Variants in ADGRG6 observed in about 807,000 individuals in gnomAD.
The protein encoded by ADGRG6 is adhesion G protein-coupled receptor G6.
In ADGRG6, 84 loss-of-function variants were observed where a neutral mutation model predicts 142.4. The observed-to-expected ratio is 0.59, with a 90% CI of 0.49 to 0.71. The LOEUF is 0.71. Among genes scored for constraint, ADGRG6 ranks in the 30% least tolerant of loss-of-function variants. The pLI is 0.00. For missense variants in ADGRG6, 1,367 were observed against 1,466.6 expected, an observed-to-expected ratio of 0.93 and a Z score of 1.11; for synonymous variants, 521 against 520.5, an observed-to-expected ratio of 1.00 and a Z score of -0.01.
chr6:142,412,328 G>A (rs1290000531), intron 18 of ADGRG6, among the ~76,000 whole-genome samples: 1 of 152,146 alleles, frequency 6.6e-6, no homozygotes, highest in Non-Finnish European at 1.5e-5. Context: ...AGTGATGTGA[G>A]CTGAGGCAAT....
chr6:142,313,250 A>C (rs996998997), intron 2 of ADGRG6, among the ~76,000 whole-genome samples: 9 of 152,112 alleles, frequency 5.9e-5, no homozygotes, highest in African/African-American at 1.7e-4. Context: ...TTAGTTACTT[A>C]ACTGTTACTC....
intron 2 of ADGRG6, among the ~76,000 whole-genome samples, chr6:142,351,794 C>G (rs568196397): frequency 6.6e-6 from 1 of 152,200 alleles, no homozygotes; most frequent in African/African-American, 2.4e-5. Context: ...CACTATGCAT[C>G]CAACAAAGGT....
chr6:142,362,373 C>G (rs1045202783), intron 2 of ADGRG6, among the ~76,000 whole-genome samples: 1 of 152,186 alleles, frequency 6.6e-6, no homozygotes, highest in Non-Finnish European at 1.5e-5. Context: ...CCGGTTTACT[C>G]AGGAAACCAT....
chr6:142,325,947 T>A (rs1007281535), intron 2 of ADGRG6, among the ~76,000 whole-genome samples: 1 of 151,968 alleles, frequency 6.6e-6, no homozygotes, highest in Non-Finnish European at 1.5e-5. Flanking sequence ...TTTAAAACTA[T>A]GTAAGGTAGA....
chr6:142,314,971 AGT>A (rs58848776), intron 2 of ADGRG6, among the ~76,000 whole-genome samples: 298 of 144,982 alleles, frequency 2.1e-3, no homozygotes, highest in Middle Eastern at 7.0e-3. Context: ...CCAATCATGG[AGT>A]GTGTGTGTGT....
chr6:142,312,944 C>T (rs979825593), intron 2 of ADGRG6, among the ~76,000 whole-genome samples: 5 of 152,018 alleles, frequency 3.3e-5, no homozygotes, highest in Non-Finnish European at 7.4e-5. Flanking sequence ...AAATTATAAT[C>T]AGGCACTGTG....
intron 9 of ADGRG6, among the ~76,000 whole-genome samples, chr6:142,394,845 C>A (rs559601140): frequency 4.9e-4 from 75 of 152,176 alleles, no homozygotes; most frequent in Admixed American, 1.8e-3. Context: ...TCTCAGCCCC[C>A]CCCAGAGTGC....
Position 142,346,369 on chromosome 6 carries a change from G to C in ADGRG6, c.104-21200G>C, listed in dbSNP as rs183166533. On this transcript the variant is annotated intron_variant, in intron 2 of 24. Coordinates refer to ENST00000367609, the MANE Select transcript of ADGRG6 (RefSeq NM_198569.3). ...AACTTGCGTGAGATGTTATCTCACT[G>C]TAGTTTTGATCTGCATTCTCTAATG... 1.6e-4 allele frequency among the ~76,000 whole-genome samples: 25 copies of C among 152,196 alleles called. 1 individual carries two copies. Among genetic ancestry groups the C allele is most frequent in the African/African-American group, 5.8e-4 (24 of 41,546 alleles).
At chr6:142,328,362 C>G (rs1305900218) in intron 2 of ADGRG6, among the ~76,000 whole-genome samples, 1 of 152,138 alleles carries the variant, frequency 6.6e-6, no homozygotes, top group Non-Finnish European at 1.5e-5. Flanking sequence ...ATCTCCATGC[C>G]TGGCTAATTT....
Position 142,433,610 on chromosome 6 carries a change from A to G in ADGRG6, c.3320-3824A>G, listed in dbSNP as rs1777325603. 2.0e-5 allele frequency among the ~76,000 whole-genome samples: 3 copies of G among 152,296 alleles called. No individual in the cohort carries two copies. In the South Asian group the frequency reaches 6.2e-4, roughly 32 times the overall value. On this transcript the variant is annotated intron_variant, in intron 22 of 24. Coordinates refer to ENST00000367609, the MANE Select transcript of ADGRG6 (RefSeq NM_198569.3). The stretch of plus-strand genomic sequence containing the variant: ...AATCTTTCCTTACTCTGAGATTTGT[A>G]ATGCCCTGACACAGGCCAGGACAGT...
intron 14 of ADGRG6, chr6:142,404,285 C>T: frequency 6.8e-6 from 2 of 292,726 alleles, no homozygotes; most frequent in Non-Finnish European, 1.3e-5. Flanking sequence ...TTTAAGGGCC[C>T]CAAGGTGAAA....
At chr6:142,408,068 G>A in intron 15 of ADGRG6, 82 bp from the exon 16 acceptor site, 2 of 1,004,676 alleles carry the variant, frequency 2.0e-6, no homozygotes, top group South Asian at 1.9e-5. Context: ...AAAAATTGCT[G>A]ACAGTTTGCT....
chr6:142,326,961 T>C (rs1778809018), intron 2 of ADGRG6, among the ~76,000 whole-genome samples: 1 of 152,120 alleles, frequency 6.6e-6, no homozygotes, highest in Non-Finnish European at 1.5e-5. Context: ...ACTGATGGCA[T>C]CCAGAAAACG....
At chr6:142,307,622 A>G (rs957671017) in intron 1 of ADGRG6, among the ~76,000 whole-genome samples, 1 of 152,070 alleles carries the variant, frequency 6.6e-6, no homozygotes, top group African/African-American at 2.4e-5. Flanking sequence ...GGGTTTAAGT[A>G]CTTGCCCTAC....
chr6:142,302,437 G>A, intron 1 of ADGRG6, 106 bp downstream of exon 1: 1 of 1,194,256 alleles, frequency 8.4e-7, no homozygotes, highest in Non-Finnish European at 1.2e-6. Flanking sequence ...GATTTTATAA[G>A]GACTTCAACT....
chr6:142,312,089 A>G (rs1777796767), intron 2 of ADGRG6, among the ~76,000 whole-genome samples: 1 of 151,948 alleles, frequency 6.6e-6, no homozygotes. Context: ...GCGCCACTGG[A>G]TCATATCATA....
chr6:142,401,479 A>T (rs1042282169), intron 11 of ADGRG6, among the ~76,000 whole-genome samples: 5 of 152,318 alleles, frequency 3.3e-5, no homozygotes, highest in East Asian at 1.9e-4. Flanking sequence ...TGTTTCCAAG[A>T]TGCATGCTAC....
At chr6:142,400,334 C>A (rs573977702) in intron 10 of ADGRG6, 151 bp from the exon 11 acceptor site, 9 of 495,600 alleles carry the variant, frequency 1.8e-5, no homozygotes, top group Non-Finnish European at 2.9e-5. Flanking sequence ...TTTTTTTTTA[C>A]AAATTCTGAA....
intron 5 of ADGRG6, among the ~76,000 whole-genome samples, chr6:142,382,649 G>T (rs1781825181): frequency 6.6e-6 from 1 of 151,984 alleles, no homozygotes; most frequent in East Asian, 1.9e-4. Context: ...TAAATATTTT[G>T]CTTTATTTTA....
Sources: allele counts gnomAD v4.1 joint callset (sites outside exome capture counted in the v4.1 genomes callset), GRCh38; gene constraint gnomAD v4.1.1; transcripts MANE v1.5; gene names NCBI Gene and HGNC (gene_info 2026-07-23, HGNC 2026-07-21).